Variants in MAGI1 observed in about 807,000 individuals in gnomAD.
MAGI1 encodes membrane associated guanylate kinase, WW and PDZ domain containing 1, also known as membrane-associated guanylate kinase, WW and PDZ domain-containing protein 1.
MAGI1 carries 58 observed loss-of-function variants against 139.9 expected under a neutral mutation model. The ratio of observed to expected loss-of-function variants is 0.41; its 90% CI spans 0.34 to 0.52. MAGI1 has a LOEUF of 0.52. MAGI1 is among the 20% of genes least tolerant of loss of function. The probability of loss-of-function intolerance (pLI) is 0.12; values close to 1 mark genes in which losing one functional copy is unlikely to be tolerated. For synonymous variants in MAGI1, 812 were observed against 737.9 expected (o/e 1.10, Z -1.63); for missense variants, 1,874 against 1,901.6 (o/e 0.99, Z 0.27).
Position 65,429,913 on chromosome 3 carries a change from G to A in MAGI1, c.1774C>T (p.Pro592Ser). 1 of 1,614,032 alleles carries A rather than the reference G, an allele frequency of 6.2e-7. No individual in the cohort carries two copies. Among genetic ancestry groups the A allele is most frequent in the South Asian group, 1.1e-5 (1 of 91,086 alleles). ...CCTGTTTTACTACTGTGGCTAGCTG[G>A]TGAATCATAGGTCTCTTGCCCATTC... ...IVNGQETYDS[P>S]ASHSSKTGKV... The change falls in exon 12 of 23, where the codon CCA becomes TCA. Residue 592 changes from proline (P) to serine (S), a missense_variant. Physicochemically the swap from Pro to Ser is moderately conservative, Grantham distance 74. Transcript: ENST00000402939.
intron 1 of MAGI1, among the ~76,000 whole-genome samples, chr3:65,697,266 T>G (rs2089288755): frequency 6.6e-6 from 1 of 151,746 alleles, no homozygotes; most frequent in African/African-American, 2.4e-5. Flanking sequence ...CAGGACCAGA[T>G]GGATTCACAG....
intron 1 of MAGI1, among the ~76,000 whole-genome samples, chr3:65,758,465 C>T (rs1454575061): frequency 6.6e-6 from 1 of 152,202 alleles, no homozygotes; most frequent in Non-Finnish European, 1.5e-5. Context: ...ATTTTGCAAA[C>T]TGCCCATACA....
At chr3:65,701,546 C>A (rs1336506801) in intron 1 of MAGI1, among the ~76,000 whole-genome samples, 2 of 152,184 alleles carry the variant, frequency 1.3e-5, no homozygotes, top group Non-Finnish European at 1.5e-5. Flanking sequence ...AGTCACCGCG[C>A]CCAGTCCCAA....
intron 1 of MAGI1, among the ~76,000 whole-genome samples, chr3:65,897,533 G>A (rs930754730): frequency 1.3e-5 from 2 of 151,940 alleles, no homozygotes; most frequent in African/African-American, 2.4e-5. Flanking sequence ...GAGTTAATGG[G>A]TGCAGCAAAC....
rs79672268 is a variant in MAGI1, at chr3:65,453,454, T to C, written c.960-114A>G. ...ATTTCTTCCTTAACTACAACAAAGA[T>C]GCTTTCCAACAGCAAATCCAAACCA... On this transcript the variant is annotated intron_variant, in intron 5 of 22. Transcript: ENST00000402939. 9.0e-4 allele frequency: 688 copies of C among 762,650 alleles called. 2 individuals carry two copies. In the African/African-American group the frequency reaches 0.011, roughly 12 times the overall value. The allele number at this position is 762,650 out of a possible 1,614,324, so 47.2% of individuals were successfully genotyped here.
chr3:65,918,625 T>G (rs1234960581), intron 1 of MAGI1, among the ~76,000 whole-genome samples: 2 of 152,122 alleles, frequency 1.3e-5, no homozygotes, highest in Admixed American at 1.3e-4. Flanking sequence ...ATGATCCGCC[T>G]GCCTTGGCCT....
chr3:65,641,502 A>G (rs183039088), intron 1 of MAGI1, among the ~76,000 whole-genome samples: 45 of 152,298 alleles, frequency 3.0e-4, no homozygotes, highest in Non-Finnish European at 5.3e-4. Context: ...CAGACTGTGA[A>G]TTCACGGTAG....
At chr3:65,917,251 C>A (rs1329481087) in intron 1 of MAGI1, among the ~76,000 whole-genome samples, 1 of 152,136 alleles carries the variant, frequency 6.6e-6, no homozygotes, top group African/African-American at 2.4e-5. Flanking sequence ...CAATGAGATA[C>A]CACTACACAC....
chr3:65,511,079 A>C (rs1311920431), intron 2 of MAGI1, among the ~76,000 whole-genome samples: 1 of 148,548 alleles, frequency 6.7e-6, no homozygotes, highest in African/African-American at 2.5e-5. Context: ...AGGAGAAATA[A>C]AATACTTCAC....
At chr3:65,666,445 CAG>C (rs2086531602) in intron 1 of MAGI1, among the ~76,000 whole-genome samples, 1 of 152,160 alleles carries the variant, frequency 6.6e-6, no homozygotes, top group African/African-American at 2.4e-5. Flanking sequence ...GAACACAAGT[CAG>C]AGAGAATGCT....
At chr3:65,950,956 A>C (rs552844566) in intron 1 of MAGI1, among the ~76,000 whole-genome samples, 153 of 135,912 alleles carry the variant, frequency 1.1e-3, no homozygotes, top group Middle Eastern at 3.6e-3. Flanking sequence ...GGTGAGAAGA[A>C]AGAGAAGGAA....
chr3:65,984,512 ATGTGTGTGTGTG>A (rs34046056), intron 1 of MAGI1, among the ~76,000 whole-genome samples: 16 of 140,464 alleles, frequency 1.1e-4, no homozygotes, highest in South Asian at 7.2e-4. Context: ...TCAAAATAAA[ATGTGTGTGTGTG>A]TGTGTGTGTG....
chr3:66,027,185 G>A (rs1487703789), intron 1 of MAGI1, among the ~76,000 whole-genome samples: 5 of 151,790 alleles, frequency 3.3e-5, no homozygotes, highest in African/African-American at 4.8e-5. Context: ...GGAGAATGGC[G>A]TGAACCCCAG....
chr3:65,503,012 G>A (rs1336382392), intron 2 of MAGI1, among the ~76,000 whole-genome samples: 7 of 152,236 alleles, frequency 4.6e-5, no homozygotes, highest in Non-Finnish European at 7.4e-5. Flanking sequence ...AGGGTCACGT[G>A]AATAAATGTG....
chr3:66,014,315 T>C (rs2067506212), intron 1 of MAGI1, among the ~76,000 whole-genome samples: 1 of 152,212 alleles, frequency 6.6e-6, no homozygotes, highest in Admixed American at 6.5e-5. Flanking sequence ...TTTTTATTTT[T>C]AAGGCACACA....
Position 65,364,879 on chromosome 3 carries a change from A to C in MAGI1, c.3264T>G (p.Pro1088=). Residue 1088 remains proline, a synonymous_variant, in exon 19 of 23, where the codon CCT becomes CCG. Transcript: ENST00000402939. ...TTGTCTCCTGGGTCCCTTGCTGAGAAGGGGTGTGTGTGGTGGTGATGGTGG... is the reference window on the plus strand; with the variant it reads ...TTGTCTCCTGGGTCCCTTGCTGAGACGGGGTGTGTGTGGTGGTGATGGTGG... The part of the protein sequence containing the change: ...KIATITTTHT[P]SQQGTQETRN... The C allele has an allele frequency of 1.2e-6, 2 of 1,614,036 alleles. No individual in the cohort carries two copies. The highest frequency in any genetic ancestry group is 1.3e-5 in the African/African-American group (1 of 75,026).
At chr3:65,925,180 G>C (rs1262573425) in intron 1 of MAGI1, 1 of 152,210 alleles carries the variant, frequency 6.6e-6, no homozygotes, top group Admixed American at 6.5e-5. Context: ...GATGGCTGAG[G>C]AAGAAAAAAC....
At chr3:65,698,345 T>C (rs1379124291) in intron 1 of MAGI1, among the ~76,000 whole-genome samples, 10 of 142,912 alleles carry the variant, frequency 7.0e-5, no homozygotes, top group South Asian at 2.2e-4. Context: ...AAGCTACCAA[T>C]GACTTTCTTC....
chr3:65,448,285 T>C, intron 6 of MAGI1: 1 of 590,500 alleles, frequency 1.7e-6, no homozygotes, highest in South Asian at 2.0e-5. Flanking sequence ...ACATGGCTCA[T>C]TTCCTTGCAT....
Sources: gnomAD v4.1 joint callset for allele counts (sites outside exome capture counted in the v4.1 genomes callset) on GRCh38, gnomAD v4.1.1 for gene constraint, MANE v1.5 for transcripts, NCBI Gene and HGNC (gene_info 2026-07-23, HGNC 2026-07-21) for gene names.